Variants in XK observed in about 807,000 individuals in gnomAD.
XK encodes X-linked Kx blood group antigen, Kell and VPS13A binding protein.
Under a neutral mutation model 14.0 loss-of-function variants are expected in XK, and 2 were observed. That is an observed-to-expected ratio of 0.14 (90% confidence interval 0.06 to 0.45). XK has a LOEUF of 0.45. Ranked by LOEUF, XK falls within the 20% of genes least tolerant of loss-of-function variation. The pLI is 0.98. For synonymous variants in XK, 149 were observed against 147.5 expected (o/e 1.01, Z -0.08); for missense variants, 235 against 341.5 (o/e 0.69, Z 2.46).
chrX:37,701,353 A>G lies in XK; in HGVS notation c.508+6805A>G, dbSNP rs556580128. 3.5e-5 allele frequency among the ~76,000 whole-genome samples: 4 copies of G among 112,719 alleles called. No individual in the cohort carries two copies. In the South Asian group the frequency reaches 1.5e-3, roughly 41 times the overall value. Reference sequence around the variant, plus strand: ...CCTCTAAAGCATGTACTGTACTTTTAAAAACTTGTGCTCTGTACTGTTTAA... The same window carrying G: ...CCTCTAAAGCATGTACTGTACTTTTGAAAACTTGTGCTCTGTACTGTTTAA... On this transcript the variant is annotated intron_variant, in intron 2 of 2. Coordinates refer to ENST00000378616, the MANE Select transcript of XK (RefSeq NM_021083.4).
chrX:37,712,356 T>G (rs1291296210), intron 2 of XK, among the ~76,000 whole-genome samples: 1 of 112,358 alleles, frequency 8.9e-6, no homozygotes, highest in African/African-American at 3.2e-5. Flanking sequence ...ATAGCTTTAA[T>G]TCATATATTC....
intron 1 of XK, among the ~76,000 whole-genome samples, chrX:37,687,444 T>A (rs1219449326): frequency 9.1e-6 from 1 of 109,612 alleles, no homozygotes; most frequent in African/African-American, 3.3e-5. Context: ...ATTTTCTTTT[T>A]TCTTTCTTTT....
chrX:37,722,478 CTT>C (rs1171529520), intron 2 of XK, among the ~76,000 whole-genome samples: 2 of 111,655 alleles, frequency 1.8e-5, no homozygotes, highest in African/African-American at 3.2e-5. Context: ...AAGAAAGACT[CTT>C]TGTTCACTGA....
intron 2 of XK, among the ~76,000 whole-genome samples, chrX:37,724,329 G>A (rs1927935783): frequency 9.0e-6 from 1 of 111,342 alleles, no homozygotes; most frequent in South Asian, 3.7e-4. Context: ...TGTAGTAGTG[G>A]CAAAAGAACA....
At chrX:37,687,507 C>T (rs1267916203) in intron 1 of XK, among the ~76,000 whole-genome samples, 1 of 108,615 alleles carries the variant, frequency 9.2e-6, no homozygotes, top group Admixed American at 9.8e-5. Context: ...AGGCTGGTCT[C>T]GAGCTCTTGA....
At chrX:37,720,985 G>A (rs182376104) in intron 2 of XK, among the ~76,000 whole-genome samples, 1 of 111,018 alleles carries the variant, frequency 9.0e-6, no homozygotes, top group African/African-American at 3.3e-5. Context: ...ATGAGTGCAG[G>A]TATCATTTTA....
intron 2 of XK, among the ~76,000 whole-genome samples, chrX:37,726,015 G>A (rs782670185): frequency 9.8e-5 from 11 of 111,887 alleles, no homozygotes; most frequent in African/African-American, 3.6e-4. Flanking sequence ...GTATGATACT[G>A]TAATGGTGGC....
chrX:37,694,674 C>T, intron 2 of XK, 126 bp downstream of exon 2: 2 of 983,323 alleles, frequency 2.0e-6, no homozygotes, highest in Non-Finnish European at 2.8e-6. Context: ...GTTCTAGTTA[C>T]TATGCTCAAA....
chrX:37,725,507 TAC>T (rs1413234781), intron 2 of XK, among the ~76,000 whole-genome samples: 1 of 111,607 alleles, frequency 9.0e-6, no homozygotes, highest in Non-Finnish European at 1.9e-5. Context: ...TGCAAAATGG[TAC>T]AGTCATTTTG....
intron 2 of XK, among the ~76,000 whole-genome samples, chrX:37,722,500 A>C (rs915929065): frequency 9.8e-5 from 11 of 111,915 alleles, no homozygotes; most frequent in Non-Finnish European, 1.9e-5. Context: ...AGTTGAAAGA[A>C]AACAGATAAA....
Position 37,731,800 on chromosome X carries a change from G to A in XK, c.*3338G>A, listed in dbSNP as rs1556451243. The A allele has an allele frequency of 8.9e-6, 1 of 111,877 alleles. No individual in the cohort carries two copies. The highest frequency in any genetic ancestry group is 9.5e-5 in the Admixed American group (1 of 10,526). 9.2% of individuals were successfully genotyped at this position (111,877 alleles called of 1,213,427 possible). On this transcript the variant is annotated 3_prime_UTR_variant, in exon 3 of 3. Transcript: ENST00000378616. ...GGTGGCAAATGAATTTATCATTTTA[G>A]TATAGTTTTCGATAAAGGATATAGC...
chrX:37,696,517 G>A (rs1464498759), intron 2 of XK, among the ~76,000 whole-genome samples: 3 of 112,363 alleles, frequency 2.7e-5, no homozygotes, highest in African/African-American at 9.7e-5. Flanking sequence ...CATTTATGCA[G>A]GTCTTGACTA....
chrX:37,720,932 G>T (rs1280819838), intron 2 of XK, among the ~76,000 whole-genome samples: 1 of 111,399 alleles, frequency 9.0e-6, no homozygotes, highest in Non-Finnish European at 1.9e-5. Flanking sequence ...CACATAGTTT[G>T]ATTCCATATC....
At chrX:37,715,799 C>T (rs1015359408) in intron 2 of XK, among the ~76,000 whole-genome samples, 1 of 111,514 alleles carries the variant, frequency 9.0e-6, no homozygotes, top group East Asian at 2.8e-4. Flanking sequence ...ATGGTGTATG[C>T]TTATTATAAG....
chrX:37,691,123 G>A (rs782037966), intron 1 of XK, among the ~76,000 whole-genome samples: 2 of 112,214 alleles, frequency 1.8e-5, no homozygotes, highest in Non-Finnish European at 1.9e-5. Context: ...TGAGCTTTAG[G>A]ACCTTCTTTC....
chrX:37,720,482 G>T (rs1452547720), intron 2 of XK, among the ~76,000 whole-genome samples: 1 of 110,619 alleles, frequency 9.0e-6, no homozygotes, highest in Non-Finnish European at 1.9e-5. Flanking sequence ...GTTTGTTGAT[G>T]GCCACAAGGC....
chrX:37,702,400 C>T (rs782432763), intron 2 of XK, among the ~76,000 whole-genome samples: 1 of 112,263 alleles, frequency 8.9e-6, no homozygotes, highest in Non-Finnish European at 1.9e-5. Context: ...GTACTAATCT[C>T]TAATATATTA....
At chrX:37,723,009 A>C (rs1927909397) in intron 2 of XK, among the ~76,000 whole-genome samples, 1 of 111,701 alleles carries the variant, frequency 9.0e-6, no homozygotes, top group Admixed American at 9.5e-5. Context: ...GGGTAGGAGG[A>C]AGCTTTAGAA....
intron 2 of XK, among the ~76,000 whole-genome samples, chrX:37,710,072 C>T (rs1307355900): frequency 2.7e-5 from 3 of 112,392 alleles, no homozygotes; most frequent in Admixed American, 9.4e-5. Context: ...TTTCTGTTGC[C>T]TGTCACCCAA....
Sources: allele counts gnomAD v4.1 joint callset (sites outside exome capture counted in the v4.1 genomes callset), GRCh38; gene constraint gnomAD v4.1.1; transcripts MANE v1.5; gene names NCBI Gene and HGNC (gene_info 2026-07-23, HGNC 2026-07-21).